Variants in LRRIQ1 observed in about 807,000 individuals in gnomAD.
LRRIQ1 encodes leucine rich repeats and IQ motif containing 1.
LRRIQ1 carries 210 observed loss-of-function variants against 211.9 expected under a neutral mutation model. That is an observed-to-expected ratio of 0.99 (90% CI 0.89 to 1.11). The LOEUF (loss-of-function observed/expected upper bound fraction) is 1.11. Ranked by LOEUF, LRRIQ1 falls within the 50% of genes most tolerant of loss-of-function variation. LRRIQ1 has a pLI of 0.00. For synonymous variants in LRRIQ1, 699 were observed against 650.1 expected, an observed-to-expected ratio of 1.08 and a Z score of -1.14; for missense variants, 2,136 against 1,939.5, an observed-to-expected ratio of 1.10 and a Z score of -1.90.
At chr12:85,189,856 A>G (rs1480584628) in intron 24 of LRRIQ1, among the ~76,000 whole-genome samples, 4 of 145,112 alleles carry the variant, frequency 2.8e-5, no homozygotes, top group Non-Finnish European at 6.0e-5. Flanking sequence ...TATATATTAT[A>G]ATTTATATAT....
chr12:85,090,122 A>T (rs1885229440), intron 11 of LRRIQ1, among the ~76,000 whole-genome samples: 1 of 152,200 alleles, frequency 6.6e-6, no homozygotes. Flanking sequence ...GCACATCATA[A>T]GCCTTGGCAT....
chr12:85,135,383 G>C (rs192075127), intron 18 of LRRIQ1, among the ~76,000 whole-genome samples: 52 of 151,724 alleles, frequency 3.4e-4, no homozygotes, highest in Non-Finnish European at 6.9e-4. Flanking sequence ...ATAGTATCTG[G>C]TTGCCTCTCT....
At chr12:85,120,819 A>C (rs991300809) in intron 15 of LRRIQ1, among the ~76,000 whole-genome samples, 7 of 149,526 alleles carry the variant, frequency 4.7e-5, no homozygotes, top group African/African-American at 1.7e-4. Context: ...GCCTGGTGAA[A>C]AGAGACCTAC....
chr12:85,205,183 T>A (rs3991872), intron 24 of LRRIQ1, among the ~76,000 whole-genome samples: 2 of 151,952 alleles, frequency 1.3e-5, no homozygotes, highest in African/African-American at 2.4e-5. Flanking sequence ...CTTGCCTTCC[T>A]CCATGATTGT....
At chr12:85,078,001 A>G (rs1348777699) in intron 11 of LRRIQ1, among the ~76,000 whole-genome samples, 1 of 145,072 alleles carries the variant, frequency 6.9e-6, no homozygotes, top group African/African-American at 2.6e-5. Flanking sequence ...AAAAAAAAAA[A>G]TTGATTAAAG....
In LRRIQ1 at chr12:85,123,081, A is replaced by G. The variant is rs1006052534; in HGVS notation, c.3558-989A>G. 2.0e-5 allele frequency among the ~76,000 whole-genome samples: 3 copies of G among 151,600 alleles called. No individual in the cohort carries two copies. In the East Asian group the frequency reaches 5.8e-4, roughly 29 times the overall value. Reference sequence around the variant, plus strand: ...GTTCAACAAGTAACCATAAACACTTAATATTCTAATATTGAACTTTTTTTG... The same window carrying G: ...GTTCAACAAGTAACCATAAACACTTGATATTCTAATATTGAACTTTTTTTG... On this transcript the variant is annotated intron_variant, in intron 16 of 26. Coordinates refer to ENST00000393217, the MANE Select transcript of LRRIQ1 (RefSeq NM_001079910.2).
At chr12:85,217,212 C>G (rs1379803627) in intron 24 of LRRIQ1, among the ~76,000 whole-genome samples, 2 of 151,022 alleles carry the variant, frequency 1.3e-5, no homozygotes, top group Non-Finnish European at 3.0e-5. Context: ...TCATTATGAA[C>G]ATATAGACAT....
At chr12:85,084,978 A>T (rs1409774585) in intron 11 of LRRIQ1, among the ~76,000 whole-genome samples, 4 of 152,096 alleles carry the variant, frequency 2.6e-5, no homozygotes, top group Admixed American at 1.3e-4. Flanking sequence ...TTCTGGAAAT[A>T]TATTATGGTA....
At chr12:85,267,138 G>T (rs1206279680), downstream of LRRIQ1, among the ~76,000 whole-genome samples, 2 of 151,902 alleles carry the variant, frequency 1.3e-5, no homozygotes, top group African/African-American at 4.8e-5. Context: ...CGCTATAATA[G>T]AAACTTTCAA....
chr12:85,229,787 C>T, intron 25 of LRRIQ1, 138 bp downstream of exon 25: 3 of 737,942 alleles, frequency 4.1e-6, no homozygotes, highest in Non-Finnish European at 6.5e-6. Context: ...ATACAAAGGC[C>T]TTTCATATAG....
intron 24 of LRRIQ1, among the ~76,000 whole-genome samples, chr12:85,177,153 C>T (rs1391300589): frequency 6.6e-6 from 1 of 152,104 alleles, no homozygotes; most frequent in East Asian, 1.9e-4. Context: ...ATGAGCTCAC[C>T]TTTAGAATGT....
At chr12:85,052,327 T>C in intron 7 of LRRIQ1, 76 bp downstream of exon 7, 1 of 758,730 alleles carries the variant, frequency 1.3e-6, no homozygotes, top group Non-Finnish European at 2.1e-6. Flanking sequence ...GAAATGGTTA[T>C]TTTTAGATAA....
chr12:85,105,702 A>T (rs11116712), intron 14 of LRRIQ1, among the ~76,000 whole-genome samples: 43,145 of 151,856 alleles, frequency 0.28, 6,279 homozygotes, highest in Admixed American at 0.34. Context: ...GCAGGAAGTC[A>T]AATTAATTAT....
chr12:85,193,789 A>T (rs1370419943), intron 24 of LRRIQ1, among the ~76,000 whole-genome samples: 1 of 149,376 alleles, frequency 6.7e-6, no homozygotes, highest in Non-Finnish European at 1.5e-5. Context: ...ACCAGCTAAC[A>T]TCATAATGAC....
intron 8 of LRRIQ1, among the ~76,000 whole-genome samples, chr12:85,058,835 G>T (rs1011750627): frequency 2.0e-5 from 3 of 151,894 alleles, no homozygotes; most frequent in Non-Finnish European, 4.4e-5. Context: ...GATGATGTTG[G>T]TGCTGGTGAG....
At chr12:85,230,527 C>CT (rs1264885602) in intron 25 of LRRIQ1, among the ~76,000 whole-genome samples, 1 of 152,110 alleles carries the variant, frequency 6.6e-6, no homozygotes, top group Non-Finnish European at 1.5e-5. Context: ...TTTCCAATCT[C>CT]TAAGTACAGC....
intron 24 of LRRIQ1, among the ~76,000 whole-genome samples, chr12:85,166,383 T>G (rs1333052845): frequency 2.0e-5 from 3 of 152,214 alleles, no homozygotes. Context: ...TATTTGTTCT[T>G]TTATAAAATA....
At chr12:85,236,091 T>TG (rs2137223964) in intron 26 of LRRIQ1, among the ~76,000 whole-genome samples, 1 of 152,096 alleles carries the variant, frequency 6.6e-6, no homozygotes, top group South Asian at 2.1e-4. Flanking sequence ...GGAGTATGAA[T>TG]GCACACCTTT....
chr12:85,062,603 G>A (rs775058861), intron 8 of LRRIQ1, among the ~76,000 whole-genome samples: 1 of 150,280 alleles, frequency 6.7e-6, no homozygotes, highest in Non-Finnish European at 1.5e-5. Context: ...ATCCACTGTT[G>A]ATGAGCATCT....
Sources: gnomAD v4.1 joint callset for allele counts (sites outside exome capture counted in the v4.1 genomes callset) on GRCh38, gnomAD v4.1.1 for gene constraint, MANE v1.5 for transcripts, NCBI Gene and HGNC (gene_info 2026-07-23, HGNC 2026-07-21) for gene names.